The following IGF2R variants were observed in gnomAD, a reference collection of about 807,000 sequenced individuals.
The protein encoded by IGF2R is cation-independent mannose-6-phosphate receptor.
In IGF2R, 91 loss-of-function variants were observed where a neutral mutation model predicts 270.6. The ratio of observed to expected loss-of-function variants is 0.34; its 90% CI spans 0.28 to 0.40. IGF2R has a LOEUF of 0.40. IGF2R is among the 10% of genes least tolerant of loss of function. IGF2R has a pLI of 1.00. For missense variants in IGF2R, 2,805 were observed against 3,188.3 expected (o/e 0.88, Z 2.90); for synonymous variants, 1,316 against 1,258.9 (o/e 1.05, Z -0.96).
intron 4 of IGF2R, among the ~76,000 whole-genome samples, chr6:160,012,765 T>TATATGTATATATA (rs1562343074): frequency 1.3e-5 from 1 of 76,610 alleles, no homozygotes; most frequent in Non-Finnish European, 2.8e-5. Flanking sequence ...ATATATATAT[T>TATATGTATATATA]TTTTTTTTTT....
Position 160,089,929 on chromosome 6 carries a change from T to G in IGF2R, c.6481T>G (p.Ser2161Ala). The G allele has an allele frequency of 1.3e-6, 2 of 1,585,452 alleles. No individual in the cohort carries two copies. The highest frequency in any genetic ancestry group is 1.7e-6 in the Non-Finnish European group (2 of 1,166,900). ...CTGTCTCTTCAGGCTGTTCAGAGCC[T>G]CTGGGGACATGAGGACCAATGGGGA... ...GDIYFKLFRA[S>A]GDMRTNGDNY... Residue 2161 changes from serine (S) to alanine (A), a missense_variant, in exon 44 of 48, where the codon TCT (serine) becomes GCT (alanine). Ser to Ala is a moderately conservative substitution (Grantham distance 99, BLOSUM62 1). Transcript: ENST00000356956.
intron 46 of IGF2R, among the ~76,000 whole-genome samples, 192 bp from the exon 47 acceptor site, chr6:160,103,554 C>T (rs1185020758): frequency 6.6e-6 from 1 of 152,078 alleles, no homozygotes; most frequent in East Asian, 1.9e-4. Context: ...ATCTTCTTTC[C>T]ACTCAATCAC....
In IGF2R at chr6:160,038,066, G is replaced by A. The variant is rs551462741; in HGVS notation, c.1316-2494G>A. ...CATTGTTTTTGCCACAGAGAAATGG[G>A]TGCTGCTGCCTCCTCCTTAGGCAGA... is the stretch of plus-strand genomic sequence containing the variant. On this transcript the variant is annotated intron_variant, in intron 10 of 47. Transcript: ENST00000356956. 5.9e-5 allele frequency among the ~76,000 whole-genome samples: 9 copies of A among 152,244 alleles called. No homozygotes were observed. In the South Asian group the frequency reaches 1.7e-3, roughly 28 times the overall value.
At chr6:160,049,975 G>A (rs1214140909) in intron 18 of IGF2R, among the ~76,000 whole-genome samples, 4 of 152,174 alleles carry the variant, frequency 2.6e-5, no homozygotes, top group Admixed American at 6.5e-5. Flanking sequence ...GATTTGGAGC[G>A]GGCCAAGGTG....
At chr6:159,981,256 CGTGAGTGCGTGT>C (rs1783795080) in intron 1 of IGF2R, among the ~76,000 whole-genome samples, 1 of 151,938 alleles carries the variant, frequency 6.6e-6, no homozygotes, top group South Asian at 2.1e-4. Context: ...TGTATGTGTG[CGTGAGTGCGTGT>C]GTGAGTGCAC....
intron 31 of IGF2R, among the ~76,000 whole-genome samples, chr6:160,071,256 C>T (rs1778727046): frequency 7.4e-6 from 1 of 134,586 alleles, no homozygotes; most frequent in East Asian, 2.5e-4. Context: ...CCCCTGTGCC[C>T]AGGGCCCAGG....
intron 2 of IGF2R, among the ~76,000 whole-genome samples, chr6:159,994,783 T>C (rs890640644): frequency 2.0e-5 from 3 of 152,202 alleles, no homozygotes; most frequent in African/African-American, 7.2e-5. Context: ...ATTTCTAGTT[T>C]TATTCCGCTG....
chr6:160,074,686 G>A (rs1054183113), intron 35 of IGF2R, among the ~76,000 whole-genome samples: 7 of 152,186 alleles, frequency 4.6e-5, no homozygotes, highest in Admixed American at 6.5e-5. Flanking sequence ...CTCACAAGTC[G>A]TCTGTATTTC....
chr6:160,040,468 C>T (rs1295721243), intron 10 of IGF2R, 92 bp from the exon 11 acceptor site: 3 of 1,047,624 alleles, frequency 2.9e-6, no homozygotes, highest in South Asian at 1.5e-5. Flanking sequence ...GAGCAGTTGG[C>T]ATTGGTCCTG....
intron 36 of IGF2R, among the ~76,000 whole-genome samples, 199 bp from the exon 37 acceptor site, chr6:160,078,002 A>G (rs1321496629): frequency 6.6e-6 from 1 of 152,226 alleles, no homozygotes; most frequent in Admixed American, 6.5e-5. Flanking sequence ...GGGAGCTCAC[A>G]GGATGTGTAG....
chr6:160,055,237 C>G (rs1218593486), intron 19 of IGF2R, among the ~76,000 whole-genome samples: 1 of 152,210 alleles, frequency 6.6e-6, no homozygotes, highest in Non-Finnish European at 1.5e-5. Context: ...TTGGGCACAT[C>G]TGTGCATTCC....
In IGF2R at chr6:160,056,406, C is replaced by G; in HGVS notation, c.2695-18C>G. ...CCATGTTACTGTATTGACTTTTACC[C>G]TGGATTTGCCCATTCAGAACAGCCA... is the stretch of plus-strand genomic sequence containing the variant. On this transcript the variant is annotated intron_variant, in intron 19 of 47. Coordinates refer to ENST00000356956, the MANE Select transcript of IGF2R (RefSeq NM_000876.4). 1 of 1,554,102 alleles carries G rather than the reference C, an allele frequency of 6.4e-7. No individual in the cohort carries two copies. Among genetic ancestry groups the G allele is most frequent in the Non-Finnish European group, 8.9e-7 (1 of 1,125,240 alleles).
At chr6:160,065,286 G>C (rs1778543613) in intron 29 of IGF2R, among the ~76,000 whole-genome samples, 1 of 152,116 alleles carries the variant, frequency 6.6e-6, no homozygotes, top group Non-Finnish European at 1.5e-5. Context: ...GGACACCTGG[G>C]GTCCCATCCT....
chr6:160,048,028 CCAAGGTGGGG>C, intron 17 of IGF2R, 121 bp downstream of exon 17: 1 of 740,560 alleles, frequency 1.4e-6, no homozygotes, highest in Non-Finnish European at 2.4e-6. Context: ...GGCTGCAGGA[CCAAGGTGGGG>C]CATTTTCAGC....
intron 44 of IGF2R, chr6:160,093,432 G>C: frequency 2.8e-6 from 1 of 362,224 alleles, no homozygotes; most frequent in Non-Finnish European, 5.3e-6. Flanking sequence ...GGGGTCTCAG[G>C]CCTCCACCTT....
At chr6:160,051,572 A>G (rs938334273) in intron 19 of IGF2R, among the ~76,000 whole-genome samples, 2 of 152,176 alleles carry the variant, frequency 1.3e-5, no homozygotes, top group Non-Finnish European at 2.9e-5. Flanking sequence ...CCAAACCACA[A>G]AGACCACAGA....
intron 18 of IGF2R, among the ~76,000 whole-genome samples, chr6:160,048,903 A>AG (rs1778130402): frequency 6.6e-6 from 1 of 152,180 alleles, no homozygotes; most frequent in South Asian, 2.1e-4. Context: ...TGGATTGATT[A>AG]GGGGGAAAAA....
In IGF2R at chr6:160,061,736, TTATTC is replaced by T. The variant is rs1778443556; in HGVS notation, c.3407-15_3407-11del. ...ATCGCCTTCCTCATGCCCAAACCAC[TTATTC>T]TGTTCTTCCAGGCAGCGCAGTGGGG... On this transcript the variant is annotated splice_polypyrimidine_tract_variant and intron_variant, in intron 24 of 47. Coordinates refer to ENST00000356956, the MANE Select transcript of IGF2R (RefSeq NM_000876.4). 3 of 1,614,126 alleles carry T rather than the reference TTATTC, an allele frequency of 1.9e-6. No homozygotes were observed.
At chr6:159,971,841 G>A (rs1362720051) in intron 1 of IGF2R, among the ~76,000 whole-genome samples, 2 of 152,082 alleles carry the variant, frequency 1.3e-5, no homozygotes. Context: ...ATTTTTAATA[G>A]AGATGACGTC....
Sources: allele counts gnomAD v4.1 joint callset (sites outside exome capture counted in the v4.1 genomes callset), GRCh38; gene constraint gnomAD v4.1.1; transcripts MANE v1.5; gene names NCBI Gene and HGNC (gene_info 2026-07-23, HGNC 2026-07-21).